Variants in ZNF805 observed in about 807,000 individuals in gnomAD.
ZNF805 encodes the protein CTC-444N24.8.
ZNF805 carries 7 observed loss-of-function variants against 13.6 expected under a neutral mutation model. The ratio of observed to expected loss-of-function variants is 0.51; its 90% CI spans 0.29 to 0.97. The LOEUF (loss-of-function observed/expected upper bound fraction) is 0.97, where lower values mean the gene tolerates loss of function less well. ZNF805 is among the 50% of genes least tolerant of loss of function. The probability of loss-of-function intolerance (pLI) is 0.08; values close to 1 mark genes in which losing one functional copy is unlikely to be tolerated. For synonymous variants in ZNF805, 293 were observed against 279.8 expected (o/e 1.05, Z -0.47); for missense variants, 604 against 771.0 (o/e 0.78, Z 2.57).
Position 57,257,456 on chromosome 19 carries a change from G to A in ZNF805, c.*2753G>A, listed in dbSNP as rs2087694015. ...CTGTTGTTTGGTATATACACATGTAGGTTTGCTTAGTATTCTTGGTGTATT... is the reference window on the plus strand; with the variant it reads ...CTGTTGTTTGGTATATACACATGTAAGTTTGCTTAGTATTCTTGGTGTATT... On this transcript the variant is annotated 3_prime_UTR_variant, in exon 4 of 4. Coordinates refer to ENST00000414468, the MANE Select transcript of ZNF805 (RefSeq NM_001023563.4). Among the ~76,000 whole-genome samples the A allele has an allele frequency of 6.6e-6, 1 of 151,874 alleles. No individual in the cohort carries two copies. The highest frequency in any genetic ancestry group is 6.6e-5 in the Admixed American group (1 of 15,238).
rs754640975 is a variant in ZNF805 at position 57,254,304 on chromosome 19, G to A, written c.1485G>A (p.Arg495=). The A allele has an allele frequency of 1.1e-5, 18 of 1,613,290 alleles. No homozygotes were observed. The highest frequency in any genetic ancestry group is 3.3e-4 in the Middle Eastern group (2 of 6,074). ...AGTGTGGAAAGGCCTTCAACCGCAGGTCAGGCCTCACAAGGCACCAGCGGA... is the reference window on the plus strand; with the variant it reads ...AGTGTGGAAAGGCCTTCAACCGCAGATCAGGCCTCACAAGGCACCAGCGGA... ...CMECGKAFNR[R]SGLTRHQRIH... The change falls in exon 4 of 4, where the codon AGG becomes AGA. Residue 495 remains arginine (R), a synonymous_variant. Transcript: ENST00000414468.
chr19:57,245,583 T>A (rs113787215), intron 2 of ZNF805, among the ~76,000 whole-genome samples: 2 of 149,026 alleles, frequency 1.3e-5, no homozygotes, highest in African/African-American at 2.5e-5. Context: ...ATAGAGACCA[T>A]CCTGGCTAAC....
At chr19:57,245,125 C>T (rs1465479391) in intron 2 of ZNF805, among the ~76,000 whole-genome samples, 1 of 152,184 alleles carries the variant, frequency 6.6e-6, no homozygotes, top group Non-Finnish European at 1.5e-5. Flanking sequence ...TTATTCTAAA[C>T]AACCTTCACG....
At position 57,253,010 on chromosome 19, in the gene ZNF805, T is replaced by G; in HGVS notation, c.254-63T>G. On this transcript the variant is annotated intron_variant, in intron 3 of 3. Coordinates refer to ENST00000414468, the MANE Select transcript of ZNF805 (RefSeq NM_001023563.4). The surrounding 1 kb of genome is among the most constrained non-coding windows in gnomAD (Gnocchi z 4.4). Reference sequence around the variant, plus strand: ...AACTTCATTTTTTTTACTGAAGTGGTGAGTTTGTTTCTTCTCTTTTTACAT... The same window carrying G: ...AACTTCATTTTTTTTACTGAAGTGGGGAGTTTGTTTCTTCTCTTTTTACAT... 9 of 1,306,848 alleles carry G rather than the reference T, an allele frequency of 6.9e-6. No individual in the cohort carries two copies. Among genetic ancestry groups the G allele is most frequent in the Non-Finnish European group, 8.9e-6 (9 of 1,010,526 alleles). 81.0% of individuals were successfully genotyped at this position (1,306,848 alleles called of 1,614,324 possible).
chr19:57,245,659 G>C (rs919397179), intron 2 of ZNF805, among the ~76,000 whole-genome samples: 1 of 150,434 alleles, frequency 6.6e-6, no homozygotes, highest in South Asian at 2.1e-4. Context: ...GGTGCCTGTA[G>C]TCCCAGCTAC....
At position 57,256,019 on chromosome 19, in the gene ZNF805, AT is replaced by A. The variant is rs1382201878; in HGVS notation, c.*1323del. ...TTCCCTCTATTCCTAATTTGCTGGG[AT>A]TTTTTTGGTTATTATTAATAAGTGT... On this transcript the variant is annotated 3_prime_UTR_variant, in exon 4 of 4. Transcript: ENST00000414468. Among the ~76,000 whole-genome samples the A allele has an allele frequency of 6.6e-6, 1 of 151,812 alleles. No individual in the cohort carries two copies. The highest frequency in any genetic ancestry group is 1.5e-5 in the Non-Finnish European group (1 of 67,886).
At chr19:57,243,087 G>A (rs552119357) in intron 1 of ZNF805, among the ~76,000 whole-genome samples, 4 of 152,242 alleles carry the variant, frequency 2.6e-5, no homozygotes, top group South Asian at 4.1e-4. Context: ...GCAGTGGTGC[G>A]TTCCTGTAGT....
chr19:57,250,321 C>T (rs1459493695), intron 3 of ZNF805, among the ~76,000 whole-genome samples: 1 of 152,204 alleles, frequency 6.6e-6, no homozygotes, highest in Non-Finnish European at 1.5e-5. Flanking sequence ...CAACCTCCGC[C>T]TCCCAGGTTC....
chr19:57,246,803 T>C (rs1301696663), intron 2 of ZNF805, among the ~76,000 whole-genome samples: 2 of 151,118 alleles, frequency 1.3e-5, no homozygotes, highest in Admixed American at 6.6e-5. Flanking sequence ...AGAAAAGCAG[T>C]TAACAGTCCA....
chr19:57,251,590 A>G (rs367746646), intron 3 of ZNF805, among the ~76,000 whole-genome samples: 18 of 151,774 alleles, frequency 1.2e-4, no homozygotes, highest in Admixed American at 8.5e-4. Context: ...TTTTTAAAGT[A>G]TCTTTTGTTC....
rs1436720647 is a variant in ZNF805, at chr19:57,249,516, G to A, written c.253+816G>A. Among the ~76,000 whole-genome samples, 7 of 152,358 alleles carry A rather than the reference G, an allele frequency of 4.6e-5. No individual in the cohort carries two copies. The South Asian group carries it at 1.4e-3, about 32-fold the overall frequency. ...CTGCATAGTTTCTGAGCCATAGTAA[G>A]TGACTTATCAAAATAAGCTATGAGT... On this transcript the variant is annotated intron_variant, in intron 3 of 3. Coordinates refer to ENST00000414468, the MANE Select transcript of ZNF805 (RefSeq NM_001023563.4).
At chr19:57,251,347 G>A (rs1403586611) in intron 3 of ZNF805, among the ~76,000 whole-genome samples, 1 of 152,058 alleles carries the variant, frequency 6.6e-6, no homozygotes, top group East Asian at 1.9e-4. Flanking sequence ...TATCTGTTGT[G>A]CTCTTGATTT....
chr19:57,261,043 T>A lies in ZNF805; in HGVS notation c.*6340T>A, dbSNP rs2087720963. Among the ~76,000 whole-genome samples, 1 of 152,208 alleles carries A rather than the reference T, an allele frequency of 6.6e-6. No homozygotes were observed. Among genetic ancestry groups the A allele is most frequent in the African/African-American group, 2.4e-5 (1 of 41,450 alleles). On this transcript the variant is annotated 3_prime_UTR_variant, in exon 4 of 4. Transcript: ENST00000414468. ...GTCAAAGATTTCACAATTATGAAAT[T>A]TGGGTTTGGGGACTGGAAGCCACTG... is the stretch of plus-strand genomic sequence containing the variant.
At position 57,259,968 on chromosome 19, in the gene ZNF805, A is replaced by G. The variant is rs2087714003; in HGVS notation, c.*5265A>G. On this transcript the variant is annotated 3_prime_UTR_variant, in exon 4 of 4. Coordinates refer to ENST00000414468, the MANE Select transcript of ZNF805 (RefSeq NM_001023563.4). ...TTATCTGGAGGAGTAGAAGTCCTGT[A>G]ATCTTTTATATTGGGCTTCTTAAAT... Among the ~76,000 whole-genome samples the G allele has an allele frequency of 6.6e-6, 1 of 152,214 alleles. No homozygotes were observed. Among genetic ancestry groups the G allele is most frequent in the East Asian group, 1.9e-4 (1 of 5,204 alleles).
At chr19:57,247,790 T>A (rs8111977) in intron 2 of ZNF805, among the ~76,000 whole-genome samples, 66,672 of 152,110 alleles carry the variant, frequency 0.44, 15,810 homozygotes, top group Non-Finnish European at 0.53. Flanking sequence ...TCAGCCATTC[T>A]CCAGTTCTGT....
At position 57,240,771 on chromosome 19, in the gene ZNF805, A is replaced by T; in HGVS notation, c.-121A>T. ...ACCGTGAGCCTCCCCGTAACGAGAG[A>T]GTTTGACTGTCAGCCAAGGTCACCG... On this transcript the variant is annotated 5_prime_UTR_variant, in exon 1 of 4. Transcript: ENST00000414468. 1.1e-6 allele frequency: 1 copy of T among 904,148 alleles called. No homozygotes were observed. Among genetic ancestry groups the T allele is most frequent in the Non-Finnish European group, 1.6e-6 (1 of 609,176 alleles). The allele number at this position is 904,148 out of a possible 1,614,324, so 56.0% of individuals were successfully genotyped here.
At chr19:57,247,730 T>A (rs561616308) in intron 2 of ZNF805, among the ~76,000 whole-genome samples, 1 of 152,226 alleles carries the variant, frequency 6.6e-6, no homozygotes, top group East Asian at 1.9e-4. Flanking sequence ...TGGAGCTTTG[T>A]GGTTAAACAG....
At position 57,256,757 on chromosome 19, in the gene ZNF805, T is replaced by C. The variant is rs1480470398; in HGVS notation, c.*2054T>C. Among the ~76,000 whole-genome samples the C allele has an allele frequency of 6.6e-6, 1 of 152,184 alleles. No individual in the cohort carries two copies. On this transcript the variant is annotated 3_prime_UTR_variant, in exon 4 of 4. Coordinates refer to ENST00000414468, the MANE Select transcript of ZNF805 (RefSeq NM_001023563.4). ...TGATCATTTCAAAGAAATAGCACTT[T>C]ATATCACTGATTTTTCTCCAGTCTC...
At chr19:57,242,514 C>T (rs2087585788) in intron 1 of ZNF805, among the ~76,000 whole-genome samples, 2 of 152,214 alleles carry the variant, frequency 1.3e-5, no homozygotes, top group South Asian at 2.1e-4. Context: ...CAGTCATAAG[C>T]CTGGGTTCTC....
Sources: allele counts gnomAD v4.1 joint callset (sites outside exome capture counted in the v4.1 genomes callset), GRCh38; gene constraint gnomAD v4.1.1; non-coding constraint Gnocchi (gnomAD v3.1); transcripts MANE v1.5; gene names NCBI Gene and HGNC (gene_info 2026-07-23, HGNC 2026-07-21).